The following SF3B3 variants were observed in gnomAD, a reference collection of about 807,000 sequenced individuals.
The protein encoded by SF3B3 is SAP 130.
A neutral mutation model predicts 139.2 loss-of-function variants in SF3B3; 33 were observed. The observed-to-expected ratio is 0.24, with a 90% CI of 0.18 to 0.32. SF3B3 has a LOEUF of 0.32. Ranked by LOEUF, SF3B3 falls within the 10% of genes least tolerant of loss-of-function variation. The pLI is 1.00. For missense variants in SF3B3, 818 were observed against 1,509.4 expected, an observed-to-expected ratio of 0.54 and a Z score of 7.59; for synonymous variants, 596 against 563.6, an observed-to-expected ratio of 1.06 and a Z score of -0.81.
Position 70,554,528 on chromosome 16 carries a change from T to G in SF3B3, c.1485T>G (p.Thr495=). The change falls in exon 12 of 26, where the codon ACT becomes ACG. Residue 495 remains threonine, a synonymous_variant. Transcript: ENST00000302516. The stretch of plus-strand genomic sequence containing the variant: ...TTGGAGAAACTGTAGAAGAAGTGAC[T>G]GACTCTGGGTTCCTGGGGACCACCC... ...LSIGETVEEV[T]DSGFLGTTPT... 1.2e-6 allele frequency: 2 copies of G among 1,614,200 alleles called. No homozygotes were observed. The highest frequency in any genetic ancestry group is 1.7e-6 in the Non-Finnish European group (2 of 1,179,980).
At chr16:70,531,730 G>T (rs959244581) in intron 4 of SF3B3, among the ~76,000 whole-genome samples, 1 of 152,222 alleles carries the variant, frequency 6.6e-6, no homozygotes, top group African/African-American at 2.4e-5. Context: ...TATTTATTGG[G>T]AAAAGCTTCA....
Position 70,571,092 on chromosome 16 carries a change from C to T in SF3B3, c.3409-3C>T, listed in dbSNP as rs2050524714. On this transcript the variant is annotated splice_region_variant and splice_polypyrimidine_tract_variant and intron_variant, in intron 24 of 25. Transcript: ENST00000302516. Reference sequence around the variant, plus strand: ...GTGACAGATTTTTTGTTTCTTCTGCCAGGACCATGACTTCTTCCAGCATGT... The same window carrying T: ...GTGACAGATTTTTTGTTTCTTCTGCTAGGACCATGACTTCTTCCAGCATGT... 7 of 1,612,060 alleles carry T rather than the reference C, an allele frequency of 4.3e-6. No individual in the cohort carries two copies. Among genetic ancestry groups the T allele is most frequent in the Admixed American group, 1.7e-5 (1 of 59,978 alleles).
chr16:70,568,569 A>G lies in SF3B3; in HGVS notation c.3165+74A>G. The stretch of plus-strand genomic sequence containing the variant: ...GCTCAGTTTCTTGTGGGTAAAGCCA[A>G]GGAGGAATCAAATCTGAGAAGTAAA... On this transcript the variant is annotated intron_variant, in intron 22 of 25. Coordinates refer to ENST00000302516, the MANE Select transcript of SF3B3 (RefSeq NM_012426.5). The G allele has an allele frequency of 2.5e-6, 3 of 1,180,090 alleles. No homozygotes were observed. The South Asian group carries it at 3.9e-5, about 15-fold the overall frequency. The allele number at this position is 1,180,090 out of a possible 1,614,324, so 73.1% of individuals were successfully genotyped here. A position where few individuals can be genotyped will look rare whatever the true frequency, so the allele number is the denominator to read the frequency against.
At position 70,532,436 on chromosome 16, in the gene SF3B3, A is replaced by G. The variant is rs372385813; in HGVS notation, c.571-43A>G. On this transcript the variant is annotated intron_variant, in intron 4 of 25. Transcript: ENST00000302516. ...TCCTGATGTCCTTTCCAGATCTTCG[A>G]TTTTATGCTGATGATTAGTTTTTAT... is the stretch of plus-strand genomic sequence containing the variant. 16 of 1,590,152 alleles carry G rather than the reference A, an allele frequency of 1.0e-5. No homozygotes were observed. In the African/African-American group the frequency reaches 1.7e-4, roughly 17 times the overall value.
At chr16:70,529,737 G>T (rs2050102625) in intron 3 of SF3B3, 1 of 152,454 alleles carries the variant, frequency 6.6e-6, no homozygotes, top group Admixed American at 6.5e-5. Context: ...GTATTAGGAA[G>T]AAGGGGGCCA....
Position 70,563,780 on chromosome 16 carries a change from G to A in SF3B3, c.2289-96G>A. ...GCCTAATGCCAACGTTAGAGCTCCA[G>A]GGATTGACGTGTTTGCTGACTGCTC... On this transcript the variant is annotated intron_variant, in intron 17 of 25. Transcript: ENST00000302516. 2.6e-6 allele frequency: 3 copies of A among 1,158,008 alleles called. 1 individual carries two copies. Among genetic ancestry groups the A allele is most frequent in the African/African-American group, 3.1e-5 (2 of 65,408 alleles). The allele number at this position is 1,158,008 out of a possible 1,614,324, so 71.7% of individuals were successfully genotyped here. A position where few individuals can be genotyped will look rare whatever the true frequency, so the allele number is the denominator to read the frequency against.
chr16:70,528,488 T>TA lies in SF3B3; in HGVS notation c.71-384dup, dbSNP rs1555499083. ...CCTTTTTTTTTTTTTTTTTTTTTTTTAGAGACGATATCTTGCTGCGTTTCC... is the reference window on the plus strand; with the variant it reads ...CCTTTTTTTTTTTTTTTTTTTTTTTTAAGAGACGATATCTTGCTGCGTTTCC... On this transcript the variant is annotated intron_variant, in intron 2 of 25. Coordinates refer to ENST00000302516, the MANE Select transcript of SF3B3 (RefSeq NM_012426.5). Among the ~76,000 whole-genome samples, 75 of 118,722 alleles carry TA rather than the reference T, an allele frequency of 6.3e-4. 1 individual carries two copies. The highest frequency in any genetic ancestry group is 1.9e-3 in the African/African-American group (62 of 32,028). The allele number at this position is 118,722 out of a possible 152,430, so 77.9% of individuals were successfully genotyped here. A position where few individuals can be genotyped will look rare whatever the true frequency, so the allele number is the denominator to read the frequency against.
At position 70,571,322 on chromosome 16, in the gene SF3B3, G is replaced by C. The variant is rs967459025; in HGVS notation, c.3513+123G>C. The stretch of plus-strand genomic sequence containing the variant: ...AGGGCAGACCACAGCCAGAGCAAAG[G>C]CTTCACCTGCTTCTGCCAATCTGAA... On this transcript the variant is annotated intron_variant, in intron 25 of 25. Coordinates refer to ENST00000302516, the MANE Select transcript of SF3B3 (RefSeq NM_012426.5). 8 of 678,432 alleles carry C rather than the reference G, an allele frequency of 1.2e-5. No homozygotes were observed. The East Asian group carries it at 1.8e-4, about 16-fold the overall frequency. 42.0% of individuals were successfully genotyped at this position (678,432 alleles called of 1,614,324 possible). A position where few individuals can be genotyped will look rare whatever the true frequency, so the allele number is the denominator to read the frequency against.
At chr16:70,558,629 C>T (rs2050400071) in intron 15 of SF3B3, among the ~76,000 whole-genome samples, 1 of 152,116 alleles carries the variant, frequency 6.6e-6, no homozygotes, top group South Asian at 2.1e-4. Context: ...CAGAGTCTTG[C>T]TCTGTTGCCC....
At position 70,556,974 on chromosome 16, in the gene SF3B3, A is replaced by G. The variant is rs769387574; in HGVS notation, c.1955A>G (p.Asp652Gly). 14 of 1,614,102 alleles carry G rather than the reference A, an allele frequency of 8.7e-6. No individual in the cohort carries two copies. Among genetic ancestry groups the G allele is most frequent in the Non-Finnish European group, 1.1e-5 (13 of 1,180,012 alleles). ...IVEMGGTEKQ[D>G]ELGERGSIGF... ...GAAATGGGTGGGACTGAGAAGCAGGATGAGCTGGGTGAGAGGGGCTCGATT... is the reference window on the plus strand; with the variant it reads ...GAAATGGGTGGGACTGAGAAGCAGGGTGAGCTGGGTGAGAGGGGCTCGATT... Residue 652 changes from aspartate to glycine, a missense_variant, in exon 15 of 26, where the codon GAT becomes GGT. Asp to Gly is a moderately conservative substitution (Grantham distance 94). Around this residue, in one of 14 missense-constraint regions of SF3B3, gnomAD observed 170 missense variants for 353.0 expected, o/e 0.48. Transcript: ENST00000302516.
At chr16:70,555,732 A>G (rs913516487) in intron 13 of SF3B3, among the ~76,000 whole-genome samples, 1 of 152,190 alleles carries the variant, frequency 6.6e-6, no homozygotes, top group African/African-American at 2.4e-5. Context: ...TGTTCAGTAC[A>G]CTTAATTCTC....
intron 9 of SF3B3, among the ~76,000 whole-genome samples, chr16:70,543,848 G>A (rs2050243392): frequency 8.2e-6 from 1 of 122,056 alleles, no homozygotes; most frequent in Non-Finnish European, 1.8e-5. Context: ...GTTTTTTTGT[G>A]TTTTTTTTTT....
At chr16:70,557,149 T>G in intron 15 of SF3B3, 120 bp downstream of exon 15, 1 of 1,052,722 alleles carries the variant, frequency 9.5e-7, no homozygotes, top group Non-Finnish European at 1.4e-6. Flanking sequence ...TTATGAAAAG[T>G]GAACAGTGTC....
intron 2 of SF3B3, 138 bp from the exon 3 acceptor site, chr16:70,528,735 A>G: frequency 1.6e-6 from 1 of 622,956 alleles, no homozygotes; most frequent in Admixed American, 3.0e-5. Flanking sequence ...CTCCTGCCTT[A>G]GCCTCCCGAG....
At position 70,567,643 on chromosome 16, in the gene SF3B3, GT is replaced by G. The variant is rs2050489546; in HGVS notation, c.2952+109del. The G allele has an allele frequency of 9.9e-6, 13 of 1,314,994 alleles. No homozygotes were observed. In the South Asian group the frequency reaches 2.0e-4, roughly 20 times the overall value. The allele number at this position is 1,314,994 out of a possible 1,614,324, so 81.5% of individuals were successfully genotyped here. A position where few individuals can be genotyped will look rare whatever the true frequency, so the allele number is the denominator to read the frequency against. On this transcript the variant is annotated intron_variant, in intron 21 of 25. Coordinates refer to ENST00000302516, the MANE Select transcript of SF3B3 (RefSeq NM_012426.5). ...TAAAATCTTATCTTTATTAGGACTT[GT>G]TGTGTTACCCCAATTCCAGCTTCAG...
At position 70,576,519 on chromosome 16, in the gene SF3B3, C is replaced by T. The variant is rs2050582169; in HGVS notation, c.*4706C>T. ...TGGTAGCGTTTAGGCTTAGAAGTTA[C>T]TAATTTGGAGCCGTGAGTATATGTG... On this transcript the variant is annotated 3_prime_UTR_variant, in exon 26 of 26. Coordinates refer to ENST00000302516, the MANE Select transcript of SF3B3 (RefSeq NM_012426.5). The T allele has an allele frequency of 6.6e-6, 1 of 152,174 alleles. No homozygotes were observed. Among genetic ancestry groups the T allele is most frequent in the Non-Finnish European group, 1.5e-5 (1 of 68,042 alleles). The allele number at this position is 152,174 out of a possible 1,614,324, so 9.4% of individuals were successfully genotyped here. A position where few individuals can be genotyped will look rare whatever the true frequency, so the allele number is the denominator to read the frequency against.
intron 11 of SF3B3, chr16:70,550,566 A>G: frequency 3.3e-6 from 2 of 613,454 alleles, no homozygotes; most frequent in Non-Finnish European, 4.1e-6. Context: ...CTGCACATGC[A>G]GCAGTCTTCC....
chr16:70,547,827 C>T (rs2050283559), intron 10 of SF3B3, among the ~76,000 whole-genome samples: 1 of 152,162 alleles, frequency 6.6e-6, no homozygotes, highest in Non-Finnish European at 1.5e-5. Flanking sequence ...TGACCTAAGG[C>T]AATCCACCCG....
At chr16:70,537,925 A>G in intron 6 of SF3B3, 1 of 437,704 alleles carries the variant, frequency 2.3e-6, no homozygotes, top group South Asian at 1.6e-5. Flanking sequence ...AAAAAAATTC[A>G]AAGTCATACC....
Sources: gnomAD v4.1 joint callset for allele counts (sites outside exome capture counted in the v4.1 genomes callset) on GRCh38, gnomAD v4.1.1 for gene constraint, gnomAD v4.1.1 regional missense constraint, MANE v1.5 for transcripts, NCBI Gene and HGNC (gene_info 2026-07-23, HGNC 2026-07-21) for gene names.